Variants in FAT1 observed in about 807,000 individuals in gnomAD.
FAT1 encodes the protein protocadherin Fat 1.
A neutral mutation model predicts 329.8 loss-of-function variants in FAT1; 171 were observed. That is an observed-to-expected ratio of 0.52 (90% confidence interval 0.46 to 0.59). The LOEUF is 0.59. Ranked by LOEUF, FAT1 falls within the 20% of genes least tolerant of loss-of-function variation. The probability of loss-of-function intolerance (pLI) is 0.00; values close to 1 mark genes in which losing one functional copy is unlikely to be tolerated. For missense variants in FAT1, 5,672 were observed against 5,774.4 expected (o/e 0.98, Z 0.57); for synonymous variants, 2,233 against 2,228.6 (o/e 1.00, Z -0.06).
intron 2 of FAT1, among the ~76,000 whole-genome samples, chr4:186,682,195 T>C (rs372462300): frequency 1.4e-3 from 219 of 152,296 alleles, no homozygotes; most frequent in African/African-American, 4.8e-3. Flanking sequence ...CTAAGATTTC[T>C]TTCAAAATAT....
intron 12 of FAT1, 77 bp downstream of exon 12, chr4:186,614,114 G>C: frequency 7.9e-7 from 1 of 1,267,472 alleles, no homozygotes; most frequent in Non-Finnish European, 1.1e-6. Flanking sequence ...TTCAAATTTT[G>C]TGTGTGATCT....
At chr4:186,643,369 A>G (rs1741191268) in intron 3 of FAT1, among the ~76,000 whole-genome samples, 1 of 152,168 alleles carries the variant, frequency 6.6e-6, no homozygotes, top group Non-Finnish European at 1.5e-5. Context: ...AAAACAAACA[A>G]ATAACAACAA....
intron 3 of FAT1, among the ~76,000 whole-genome samples, chr4:186,651,980 C>G (rs989305282): frequency 6.6e-6 from 1 of 152,138 alleles, no homozygotes; most frequent in Non-Finnish European, 1.5e-5. Flanking sequence ...CATAGACTGG[C>G]GAGGCTGGAA....
chr4:186,714,593 GA>G (rs967896877), intron 1 of FAT1, among the ~76,000 whole-genome samples: 341 of 150,078 alleles, frequency 2.3e-3, no homozygotes, highest in African/African-American at 7.7e-3. Context: ...GCAGGCAGAA[GA>G]AAAAAAAAAT....
At chr4:186,662,019 C>A (rs1742198264) in intron 3 of FAT1, among the ~76,000 whole-genome samples, 1 of 151,406 alleles carries the variant, frequency 6.6e-6, no homozygotes, top group Non-Finnish European at 1.5e-5. Context: ...CCCCCGCCCC[C>A]CGGCCAGCCC....
rs755929087 is a variant in FAT1 at position 186,663,603 on chromosome 4, C to T, written c.3276G>A (p.Glu1092=). The T allele has an allele frequency of 5.6e-6, 9 of 1,606,854 alleles. No homozygotes were observed. The South Asian group carries it at 9.9e-5, about 18-fold the overall frequency. ...ATTCACGGTCCAGTCGATCTGACGT[C>T]TCTATGACACCTACAGAGAAAAAAG... ...FKIGEETGVI[E]TSDRLDREST... is the part of the protein sequence containing the mutation. The change falls in exon 3 of 27, where the codon GAG becomes GAA. Residue 1092 remains glutamate, a synonymous_variant. Coordinates refer to ENST00000441802, the MANE Select transcript of FAT1 (RefSeq NM_005245.4).
At chr4:186,601,953 C>T (rs1738836062) in intron 20 of FAT1, among the ~76,000 whole-genome samples, 1 of 152,134 alleles carries the variant, frequency 6.6e-6, no homozygotes, top group South Asian at 2.1e-4. Context: ...GTAACTGCAA[C>T]ACTGTGAATG....
chr4:186,632,707 G>A (rs553288061), intron 7 of FAT1, among the ~76,000 whole-genome samples: 4 of 152,192 alleles, frequency 2.6e-5, no homozygotes, highest in Admixed American at 6.5e-5. Context: ...TTTATTAATC[G>A]AAAAGACATC....
chr4:186,694,412 T>C (rs1743930518), intron 2 of FAT1, among the ~76,000 whole-genome samples: 1 of 152,242 alleles, frequency 6.6e-6, no homozygotes, highest in Non-Finnish European at 1.5e-5. Flanking sequence ...ATTTTCTATT[T>C]ATATGAGTGG....
At chr4:186,617,641 TC>T in intron 10 of FAT1, 66 bp downstream of exon 10, 1 of 1,319,832 alleles carries the variant, frequency 7.6e-7, no homozygotes. Flanking sequence ...ACAATACAGA[TC>T]TTATACTTTA....
rs192596975 is a variant in FAT1, at chr4:186,602,943, G to A, written c.11442C>T (p.His3814=). The change falls in exon 20 of 27, where the codon CAC becomes CAT. Residue 3814 remains histidine, a synonymous_variant. Transcript: ENST00000441802. Reference sequence around the variant, plus strand: ...ACCTGCCGCTGGGACAGACACAGGTGTGTTTCTCCTCCCAGGGATCAGACA... The same window carrying A: ...ACCTGCCGCTGGGACAGACACAGGTATGTTTCTCCTCCCAGGGATCAGACA... ...ECVSDPWEEK[H]TCVCPSGRFG... is the part of the protein sequence containing the mutation. 63 of 1,613,978 alleles carry A rather than the reference G, an allele frequency of 3.9e-5. No individual in the cohort carries two copies. In the African/African-American group the frequency reaches 5.7e-4, roughly 15 times the overall value.
chr4:186,709,950 G>A, intron 1 of FAT1, 105 bp from the exon 2 acceptor site: 1 of 1,059,596 alleles, frequency 9.4e-7, no homozygotes, highest in Non-Finnish European at 1.3e-6. Context: ...CATACACATG[G>A]AATATAAATA....
At chr4:186,666,075 T>C (rs936017997) in intron 2 of FAT1, among the ~76,000 whole-genome samples, 20 of 149,208 alleles carry the variant, frequency 1.3e-4, no homozygotes, top group African/African-American at 3.2e-4. Context: ...TTAGGAGATA[T>C]ACCTAATGTA....
intron 4 of FAT1, among the ~76,000 whole-genome samples, chr4:186,637,280 T>G (rs1188294355): frequency 6.6e-6 from 1 of 152,230 alleles, no homozygotes; most frequent in East Asian, 1.9e-4. Flanking sequence ...ACGTGAAGAT[T>G]CTGCTTTACA....
At chr4:186,627,262 G>A (rs959877340) in intron 9 of FAT1, among the ~76,000 whole-genome samples, 4 of 148,578 alleles carry the variant, frequency 2.7e-5, no homozygotes, top group Admixed American at 1.3e-4. Flanking sequence ...GAATGAATGA[G>A]GGACCAACAT....
intron 3 of FAT1, among the ~76,000 whole-genome samples, chr4:186,650,367 C>T (rs900981468): frequency 2.0e-5 from 3 of 152,084 alleles, no homozygotes; most frequent in Non-Finnish European, 4.4e-5. Flanking sequence ...GACTTAGTAA[C>T]TCTATTAATA....
chr4:186,679,191 A>T (rs1029460966), intron 2 of FAT1, among the ~76,000 whole-genome samples: 6 of 152,190 alleles, frequency 3.9e-5, no homozygotes, highest in South Asian at 2.1e-4. Flanking sequence ...CCATCCTGGC[A>T]AACACAGAAA....
chr4:186,691,677 A>AT (rs1368734521), intron 2 of FAT1, among the ~76,000 whole-genome samples: 1 of 152,086 alleles, frequency 6.6e-6, no homozygotes, highest in Admixed American at 6.6e-5. Context: ...GCATGGTGGC[A>AT]TATGCCTGTA....
intron 20 of FAT1, among the ~76,000 whole-genome samples, chr4:186,602,173 G>A (rs1738845479): frequency 6.6e-6 from 1 of 152,196 alleles, no homozygotes; most frequent in East Asian, 1.9e-4. Context: ...TAGATGGTGG[G>A]GAATTTGTTT....
Sources: gnomAD v4.1 joint callset for allele counts (sites outside exome capture counted in the v4.1 genomes callset) on GRCh38, gnomAD v4.1.1 for gene constraint, MANE v1.5 for transcripts, NCBI Gene and HGNC (gene_info 2026-07-23, HGNC 2026-07-21) for gene names.